Variants in SGIP1 observed in about 807,000 individuals in gnomAD.
The protein encoded by SGIP1 is SH3-containing GRB2-like protein 3-interacting protein 1.
Under a neutral mutation model 107.5 loss-of-function variants are expected in SGIP1, and 38 were observed. That is an observed-to-expected ratio of 0.35 (90% CI 0.27 to 0.46). SGIP1 has a LOEUF of 0.46. Ranked by LOEUF, SGIP1 falls within the 20% of genes least tolerant of loss-of-function variation. The pLI is 1.00. For synonymous variants in SGIP1, 365 were observed against 366.1 expected, an observed-to-expected ratio of 1.00 and a Z score of 0.03; for missense variants, 929 against 1,019.5, an observed-to-expected ratio of 0.91 and a Z score of 1.21.
intron 7 of SGIP1, among the ~76,000 whole-genome samples, chr1:66,659,018 C>T (rs942549342): frequency 6.6e-6 from 1 of 152,114 alleles, no homozygotes; most frequent in Non-Finnish European, 1.5e-5. Flanking sequence ...CAGCGAAGTG[C>T]AGGCTTCATA....
At chr1:66,595,985 C>T (rs2064591947) in intron 1 of SGIP1, among the ~76,000 whole-genome samples, 1 of 152,194 alleles carries the variant, frequency 6.6e-6, no homozygotes. Flanking sequence ...TAGAACTGTT[C>T]TGTAGCTTGA....
At chr1:66,566,765 A>T (rs1439387435) in intron 1 of SGIP1, among the ~76,000 whole-genome samples, 2 of 151,956 alleles carry the variant, frequency 1.3e-5, no homozygotes, top group African/African-American at 4.8e-5. Context: ...ACATAGGTAT[A>T]CATGTGCCAT....
chr1:66,621,061 T>C (rs1393446111), intron 1 of SGIP1, among the ~76,000 whole-genome samples: 6 of 152,202 alleles, frequency 3.9e-5, no homozygotes, highest in Non-Finnish European at 5.9e-5. Context: ...GTGGGATTAA[T>C]ATAACATTGT....
Position 66,649,973 on chromosome 1 carries a change from T to C in SGIP1, c.459+6254T>C, listed in dbSNP as rs115192990. Among the ~76,000 whole-genome samples, 929 of 152,304 alleles carry C rather than the reference T, an allele frequency of 6.1e-3. 7 individuals carry two copies. Among genetic ancestry groups the C allele is most frequent in the African/African-American group, 0.019 (786 of 41,576 alleles). On this transcript the variant is annotated intron_variant, in intron 7 of 24. Coordinates refer to ENST00000371037, the MANE Select transcript of SGIP1 (RefSeq NM_032291.4). ...TGGGGTGACTCCCATACCTACTTCA[T>C]TGGGCTATTTTGAGGGTTGAATGAT...
chr1:66,713,996 C>T (rs1218719126), intron 18 of SGIP1, among the ~76,000 whole-genome samples: 1 of 152,032 alleles, frequency 6.6e-6, no homozygotes, highest in East Asian at 1.9e-4. Context: ...TTGTATCTCC[C>T]TTTGTTTCTG....
chr1:66,594,778 C>A (rs1388286574), intron 1 of SGIP1, among the ~76,000 whole-genome samples: 2 of 152,166 alleles, frequency 1.3e-5, no homozygotes, highest in Non-Finnish European at 1.5e-5. Flanking sequence ...TTCTCAAGTC[C>A]TCAGTCCTCA....
intron 7 of SGIP1, among the ~76,000 whole-genome samples, chr1:66,655,951 T>C (rs7521111): frequency 0.64 from 98,051 of 152,034 alleles, 32,532 homozygotes; most frequent in East Asian, 1. Context: ...TTTTTTAAAA[T>C]GTATTGACTC....
rs147191066 is a variant in SGIP1, at chr1:66,640,478, A to G, written c.228+645A>G. Among the ~76,000 whole-genome samples, 456 of 152,304 alleles carry G rather than the reference A, an allele frequency of 3.0e-3. 2 individuals carry two copies. The highest frequency in any genetic ancestry group is 9.5e-3 in the African/African-American group (394 of 41,594). On this transcript the variant is annotated intron_variant, in intron 5 of 24. Coordinates refer to ENST00000371037, the MANE Select transcript of SGIP1 (RefSeq NM_032291.4). ...CTGGGCAAAGGCCTAACATATACATAGAGGCTAACAGGCTGAACATTTGGG... is the reference window on the plus strand; with the variant it reads ...CTGGGCAAAGGCCTAACATATACATGGAGGCTAACAGGCTGAACATTTGGG...
At chr1:66,740,798 A>T (rs958924211) in intron 23 of SGIP1, 76 bp downstream of exon 23, 29 of 900,962 alleles carry the variant, frequency 3.2e-5, no homozygotes, top group Non-Finnish European at 4.8e-5. Flanking sequence ...CTATTACCCA[A>T]AACATGTAGC....
chr1:66,640,271 C>T (rs1023616935), intron 5 of SGIP1, among the ~76,000 whole-genome samples: 3 of 152,142 alleles, frequency 2.0e-5, no homozygotes, highest in Non-Finnish European at 4.4e-5. Context: ...TGCAAGGATT[C>T]AAGGAGCTAA....
intron 16 of SGIP1, among the ~76,000 whole-genome samples, chr1:66,689,833 T>TA (rs1172206817): frequency 4.6e-5 from 7 of 152,204 alleles, no homozygotes; most frequent in African/African-American, 1.4e-4. Flanking sequence ...ATGATGTCCA[T>TA]AGCATTTGGC....
intron 1 of SGIP1, among the ~76,000 whole-genome samples, chr1:66,604,715 C>G (rs1443588702): frequency 6.6e-6 from 1 of 152,174 alleles, no homozygotes; most frequent in Admixed American, 6.5e-5. Flanking sequence ...ATGTGAGTTA[C>G]TGAATTGGAT....
chr1:66,619,298 C>A (rs2070310263), intron 1 of SGIP1, among the ~76,000 whole-genome samples: 1 of 152,230 alleles, frequency 6.6e-6, no homozygotes, highest in Non-Finnish European at 1.5e-5. Context: ...TATAGAGGTT[C>A]TAACACCACA....
At chr1:66,558,207 C>T (rs1476644157) in intron 1 of SGIP1, among the ~76,000 whole-genome samples, 1 of 152,066 alleles carries the variant, frequency 6.6e-6, no homozygotes, top group East Asian at 1.9e-4. Flanking sequence ...CTCTCTCTTG[C>T]TCATTTTACC....
At chr1:66,639,991 G>C (rs561828429) in intron 5 of SGIP1, among the ~76,000 whole-genome samples, 158 bp downstream of exon 5, 4 of 152,206 alleles carry the variant, frequency 2.6e-5, no homozygotes, top group African/African-American at 9.6e-5. Context: ...AATAGAGTCT[G>C]TCAGAACTGG....
intron 19 of SGIP1, among the ~76,000 whole-genome samples, chr1:66,728,983 C>G (rs999096729): frequency 1.3e-5 from 2 of 150,790 alleles, no homozygotes; most frequent in Admixed American, 6.6e-5. Context: ...GAGAAAAGTT[C>G]AGAAAAAAAA....
At chr1:66,609,658 A>G (rs1006215329) in intron 1 of SGIP1, among the ~76,000 whole-genome samples, 1 of 152,200 alleles carries the variant, frequency 6.6e-6, no homozygotes, top group African/African-American at 2.4e-5. Context: ...AGATGCATGG[A>G]TGTATTTAGA....
At chr1:66,644,277 A>G (rs2077271227) in intron 7 of SGIP1, among the ~76,000 whole-genome samples, 1 of 152,134 alleles carries the variant, frequency 6.6e-6, no homozygotes, top group Non-Finnish European at 1.5e-5. Context: ...AAGGTACCTC[A>G]GATATAAGTA....
At chr1:66,570,188 A>G (rs544754755) in intron 1 of SGIP1, among the ~76,000 whole-genome samples, 26 of 151,680 alleles carry the variant, frequency 1.7e-4, no homozygotes, top group Middle Eastern at 3.4e-3. Context: ...GTTTTGTTCT[A>G]TTATTATTTT....
Sources: gnomAD v4.1 joint callset for allele counts (sites outside exome capture counted in the v4.1 genomes callset) on GRCh38, gnomAD v4.1.1 for gene constraint, MANE v1.5 for transcripts, NCBI Gene and HGNC (gene_info 2026-07-23, HGNC 2026-07-21) for gene names.